CTNNA3: variants seen among roughly 807,000 people sequenced by gnomAD.
The protein encoded by CTNNA3 is catenin alpha 3, also known as catenin alpha-3.
Under a neutral mutation model 95.7 loss-of-function variants are expected in CTNNA3, and 76 were observed. The ratio of observed to expected loss-of-function variants is 0.79; its 90% CI spans 0.66 to 0.96. The LOEUF (loss-of-function observed/expected upper bound fraction) is 0.96, where lower values mean the gene tolerates loss of function less well. Among genes scored for constraint, CTNNA3 ranks in the 40% least tolerant of loss-of-function variants. The probability of loss-of-function intolerance (pLI) is 0.00; values close to 1 mark genes in which losing one functional copy is unlikely to be tolerated. For synonymous variants in CTNNA3, 431 were observed against 374.4 expected, an observed-to-expected ratio of 1.15 and a Z score of -1.74; for missense variants, 1,191 against 1,089.8, an observed-to-expected ratio of 1.09 and a Z score of -1.31.
chr10:66,395,831 ATGTGCAGGTT>A (rs2132543612), intron 11 of CTNNA3, among the ~76,000 whole-genome samples: 1 of 152,006 alleles, frequency 6.6e-6, no homozygotes, highest in East Asian at 1.9e-4. Flanking sequence ...CAGGGGTTTC[ATGTGCAGGTT>A]TGTGTAATGG....
intron 13 of CTNNA3, among the ~76,000 whole-genome samples, chr10:66,147,177 G>T (rs1051602806): frequency 6.6e-6 from 1 of 152,078 alleles, no homozygotes; most frequent in Non-Finnish European, 1.5e-5. Context: ...ATAGAAGAAA[G>T]TGTCTCTCTT....
At chr10:66,133,247 GC>G (rs2083202155) in intron 13 of CTNNA3, among the ~76,000 whole-genome samples, 1 of 152,146 alleles carries the variant, frequency 6.6e-6, no homozygotes, top group Non-Finnish European at 1.5e-5. Flanking sequence ...ATGTGCAGTG[GC>G]TAATGCCTGT....
intron 13 of CTNNA3, among the ~76,000 whole-genome samples, chr10:66,243,805 C>A (rs919807727): frequency 6.6e-6 from 1 of 152,198 alleles, no homozygotes; most frequent in African/African-American, 2.4e-5. Context: ...CAGTAACCAC[C>A]TGTTGACCAA....
In CTNNA3 at chr10:66,330,217, C is replaced by A. The variant is rs371041929; in HGVS notation, c.1732+48935G>T. 2.8e-4 allele frequency among the ~76,000 whole-genome samples: 42 copies of A among 151,856 alleles called. No homozygotes were observed. In the South Asian group the frequency reaches 3.1e-3, roughly 11 times the overall value. On this transcript the variant is annotated intron_variant, in intron 12 of 17. Coordinates refer to ENST00000433211, the MANE Select transcript of CTNNA3 (RefSeq NM_013266.4). ...ATATCTCCTAATGCTATCCCTCCCCCCCTCTCCCCACCCCACAACAGGCCC... is the reference window on the plus strand; with the variant it reads ...ATATCTCCTAATGCTATCCCTCCCCACCTCTCCCCACCCCACAACAGGCCC...
intron 13 of CTNNA3, among the ~76,000 whole-genome samples, chr10:66,144,733 C>T (rs2083793810): frequency 6.6e-6 from 1 of 152,194 alleles, no homozygotes; most frequent in Admixed American, 6.5e-5. Context: ...GATCATCCAC[C>T]CGCATTGGCC....
At chr10:66,991,018 T>C (rs1421090667) in intron 7 of CTNNA3, among the ~76,000 whole-genome samples, 1 of 152,162 alleles carries the variant, frequency 6.6e-6, no homozygotes, top group African/African-American at 2.4e-5. Flanking sequence ...TATCTGCTAA[T>C]GATGGAAATG....
intron 5 of CTNNA3, among the ~76,000 whole-genome samples, chr10:67,306,988 A>T (rs1410593148): frequency 6.6e-6 from 1 of 152,172 alleles, no homozygotes; most frequent in African/African-American, 2.4e-5. Context: ...AGCAGGAGAT[A>T]AAAAGGAAGG....
At chr10:66,106,118 A>C (rs893761009) in intron 13 of CTNNA3, among the ~76,000 whole-genome samples, 1 of 151,892 alleles carries the variant, frequency 6.6e-6, no homozygotes, top group Admixed American at 6.6e-5. Flanking sequence ...GAGGCAGGAG[A>C]ATTGCTTGAA....
rs1029805079 is a variant in CTNNA3, at chr10:66,270,239, G to T, written c.1884+10231C>A. On this transcript the variant is annotated intron_variant, in intron 13 of 17. Transcript: ENST00000433211. ...TAACATTTTTTGGGGGGGGGGGCAGGGTCTCACTTTGTCACCCAGGCTGCA... is the reference window on the plus strand; with the variant it reads ...TAACATTTTTTGGGGGGGGGGGCAGTGTCTCACTTTGTCACCCAGGCTGCA... Among the ~76,000 whole-genome samples, 7 of 150,190 alleles carry T rather than the reference G, an allele frequency of 4.7e-5. No individual in the cohort carries two copies. The East Asian group carries it at 5.9e-4, about 13-fold the overall frequency.
At position 65,918,802 on chromosome 10, in the gene CTNNA3, C is replaced by A. The variant is rs73304084; in HGVS notation, c.*1528G>T. ...TTAAATAGATCCTTCTTTTCCCATA[C>A]CATTATGCTTAAGATTCCACACATA... On this transcript the variant is annotated 3_prime_UTR_variant, in exon 18 of 18. Coordinates refer to ENST00000433211, the MANE Select transcript of CTNNA3 (RefSeq NM_013266.4). 2.6e-5 allele frequency: 4 copies of A among 152,080 alleles called. No individual in the cohort carries two copies. The highest frequency in any genetic ancestry group is 9.7e-5 in the African/African-American group (4 of 41,392). 9.4% of individuals were successfully genotyped at this position (152,080 alleles called of 1,614,324 possible).
chr10:66,560,426 C>T (rs1452545637), intron 10 of CTNNA3, among the ~76,000 whole-genome samples: 2 of 151,846 alleles, frequency 1.3e-5, no homozygotes, highest in Non-Finnish European at 2.9e-5. Context: ...CCACTGATAC[C>T]AAAGCTAAAC....
intron 11 of CTNNA3, among the ~76,000 whole-genome samples, chr10:66,507,188 A>T (rs972121907): frequency 2.0e-5 from 3 of 152,058 alleles, no homozygotes; most frequent in African/African-American, 7.2e-5. Context: ...TTGTTATTAC[A>T]TTTTGTTCAT....
chr10:67,343,215 T>C (rs1284711349), intron 5 of CTNNA3, among the ~76,000 whole-genome samples: 1 of 152,202 alleles, frequency 6.6e-6, no homozygotes, highest in Non-Finnish European at 1.5e-5. Context: ...CCTCCCAAAG[T>C]GCTGGGATTA....
chr10:66,213,967 T>C (rs1305433708), intron 13 of CTNNA3, among the ~76,000 whole-genome samples: 1 of 152,082 alleles, frequency 6.6e-6, no homozygotes, highest in Non-Finnish European at 1.5e-5. Context: ...TCAGCAGAAA[T>C]TGGGGATTTA....
intron 13 of CTNNA3, among the ~76,000 whole-genome samples, chr10:66,222,604 GAAAGAAAGAAAGAAAGAA>G (rs1446848580): frequency 1.1e-3 from 68 of 62,050 alleles, no homozygotes; most frequent in Admixed American, 6.4e-3. Context: ...AAGAACGAAA[GAAAGAAAGAAAGAAAGAA>G]AAAGAAAGAA....
At chr10:66,021,851 G>GTTTTTTTTTTTTTTTTTT (rs1564583857) in intron 15 of CTNNA3, among the ~76,000 whole-genome samples, 10 of 41,662 alleles carry the variant, frequency 2.4e-4, no homozygotes, top group African/African-American at 6.3e-4. Flanking sequence ...CAGGATCTTG[G>GTTTTTTTTTTTTTTTTTT]CTTTTTTTTT....
chr10:66,621,717 T>C lies in CTNNA3; in HGVS notation c.1349A>G (p.Asn450Ser). The C allele has an allele frequency of 6.8e-6, 11 of 1,611,222 alleles. 1 individual carries two copies. Among genetic ancestry groups the C allele is most frequent in the South Asian group, 2.2e-5 (2 of 90,518 alleles). Reference sequence around the variant, plus strand: ...CTGTGGACACAAGGTTTCCAAATGATTGGCTGCAATTTTGACAATTTTAAT... The same window carrying C: ...CTGTGGACACAAGGTTTCCAAATGACTGGCTGCAATTTTGACAATTTTAAT... ...DGIKIVKIAANHLETLCPQII... is the reference protein window; with the variant it reads ...DGIKIVKIAASHLETLCPQII... The change falls in exon 10 of 18, where the codon AAT (asparagine) becomes AGT (serine). Residue 450 changes from asparagine to serine, a missense_variant. Asn to Ser is a conservative substitution (Grantham distance 46). Coordinates refer to ENST00000433211, the MANE Select transcript of CTNNA3 (RefSeq NM_013266.4).
intron 3 of CTNNA3, among the ~76,000 whole-genome samples, chr10:67,605,988 C>T (rs1039154915): frequency 6.6e-6 from 1 of 152,056 alleles, no homozygotes; most frequent in African/African-American, 2.4e-5. Flanking sequence ...TTTTTTAAAT[C>T]CCCTGTATCA....
intron 12 of CTNNA3, among the ~76,000 whole-genome samples, chr10:66,310,718 G>T (rs2092007141): frequency 1.4e-5 from 2 of 147,154 alleles, no homozygotes; most frequent in South Asian, 4.2e-4. Context: ...GCGGAGTCTG[G>T]CTCTGTCTCC....
Sources: allele counts gnomAD v4.1 joint callset (sites outside exome capture counted in the v4.1 genomes callset), GRCh38; gene constraint gnomAD v4.1.1; transcripts MANE v1.5; gene names NCBI Gene and HGNC (gene_info 2026-07-23, HGNC 2026-07-21).